The following KIF1B variants were observed in gnomAD, a reference collection of about 807,000 sequenced individuals.
The protein encoded by KIF1B is kinesin family member 1B.
In KIF1B, 76 loss-of-function variants were observed where a neutral mutation model predicts 241.9. The observed-to-expected ratio is 0.31, with a 90% CI of 0.26 to 0.38. The LOEUF (loss-of-function observed/expected upper bound fraction) is 0.38. KIF1B is among the 10% of genes least tolerant of loss of function. The pLI is 1.00. For missense variants in KIF1B, 1,622 were observed against 2,271.4 expected, an observed-to-expected ratio of 0.71 and a Z score of 5.81; for synonymous variants, 750 against 796.7, an observed-to-expected ratio of 0.94 and a Z score of 0.99.
intron 6 of KIF1B, 58 bp from the exon 7 acceptor site, chr1:10,268,094 C>T: frequency 1.9e-6 from 2 of 1,067,510 alleles, no homozygotes; most frequent in Non-Finnish European, 2.9e-6. Flanking sequence ...GCCTGCTGTC[C>T]ATTTCAACTC....
In KIF1B at chr1:10,337,003, A is replaced by T; in HGVS notation, c.3130-71A>T. The T allele has an allele frequency of 6.3e-7, 1 of 1,596,084 alleles. No homozygotes were observed. The highest frequency in any genetic ancestry group is 8.6e-7 in the Non-Finnish European group (1 of 1,165,328). ...TATTATTTGTTGGACAGATAAACAG[A>T]AGTAAGGCAACTGGGGAAAAATACG... On this transcript the variant is annotated intron_variant, in intron 29 of 48. Transcript: ENST00000676179. This position sits in a 1 kb window ranked among gnomAD's most constrained non-coding sequence, Gnocchi z 4.0.
chr1:10,251,167 AAAAT>A (rs1439195909), intron 2 of KIF1B, among the ~76,000 whole-genome samples: 7 of 152,128 alleles, frequency 4.6e-5, no homozygotes, highest in East Asian at 1.9e-4. Context: ...CTGTCTCAAA[AAAAT>A]AAATAAATAA....
At chr1:10,336,352 T>G (rs1217370681) in intron 28 of KIF1B, among the ~76,000 whole-genome samples, 1 of 152,194 alleles carries the variant, frequency 6.6e-6, no homozygotes, top group Admixed American at 6.5e-5. Flanking sequence ...TTTCACCATG[T>G]TGGTCAGGCT....
chr1:10,275,582 T>C, intron 11 of KIF1B, 79 bp downstream of exon 11: 1 of 862,878 alleles, frequency 1.2e-6, no homozygotes, highest in South Asian at 1.3e-5. Context: ...GTGTCTGTTT[T>C]GGAGACAAAT....
At position 10,369,401 on chromosome 1, in the gene KIF1B, AG is replaced by A. The variant is rs1277096463; in HGVS notation, c.4824+867del. ...CCCAGCACTTTGGGAGGCCAAGATG[AG>A]GGGATCGCTTGAGGCCAATAGGTTG... On this transcript the variant is annotated intron_variant, in intron 44 of 48. Coordinates refer to ENST00000676179, the MANE Select transcript of KIF1B (RefSeq NM_001365951.3). Among the ~76,000 whole-genome samples, 4 of 151,210 alleles carry A rather than the reference AG, an allele frequency of 2.6e-5. No homozygotes were observed. The East Asian group carries it at 7.8e-4, about 29-fold the overall frequency.
rs781063265 is a variant in KIF1B at position 10,282,322 on chromosome 1, A to G, written c.1223A>G (p.Tyr408Cys). Residue 408 changes from tyrosine (Y) to cysteine (C), a missense_variant and splice_region_variant, in exon 15 of 49, where the codon TAT becomes TGT. Around this residue, in one of 7 missense-constraint regions of KIF1B, gnomAD observed 201 missense variants for 301.2 expected, o/e 0.67. Coordinates refer to ENST00000676179, the MANE Select transcript of KIF1B (RefSeq NM_001365951.3). The part of the protein sequence containing the change: ...IDDYSGSGSK[Y>C]LKDFQNNKHR... ...GCCTTCTCTTCTTTCTATCTCCCAG[A>G]TCTGAAAGATTTTCAGAACAATAAG... The G allele has an allele frequency of 6.8e-6, 11 of 1,611,812 alleles. No individual in the cohort carries two copies. Among genetic ancestry groups the G allele is most frequent in the African/African-American group, 1.3e-5 (1 of 74,828 alleles).
chr1:10,341,760 T>C (rs115387136), intron 32 of KIF1B, among the ~76,000 whole-genome samples: 2,898 of 152,138 alleles, frequency 0.019, 41 homozygotes, highest in Non-Finnish European at 0.028. Flanking sequence ...GTTCAGCACA[T>C]GAGTTCAAGA....
rs1354795942 is a variant in KIF1B at position 10,377,965 on chromosome 1, A to G, written c.*1378A>G. 2.4e-5 allele frequency: 6 copies of G among 251,210 alleles called. No homozygotes were observed. In the Admixed American group the frequency reaches 3.1e-4, roughly 13 times the overall value. 15.6% of individuals were successfully genotyped at this position (251,210 alleles called of 1,614,324 possible). A position where few individuals can be genotyped will look rare whatever the true frequency, so the allele number is the denominator to read the frequency against. On this transcript the variant is annotated 3_prime_UTR_variant, in exon 49 of 49. Transcript: ENST00000676179. Reference sequence around the variant, plus strand: ...AAAAAAAAAAATAATAATGCTGGGTAGTGACCTTGTGATTGTTACAGCTCC... The same window carrying G: ...AAAAAAAAAAATAATAATGCTGGGTGGTGACCTTGTGATTGTTACAGCTCC...
At chr1:10,353,883 C>T (rs912557944) in intron 38 of KIF1B, among the ~76,000 whole-genome samples, 12 of 152,124 alleles carry the variant, frequency 7.9e-5, no homozygotes, top group Admixed American at 4.6e-4. Context: ...TACTATTTCC[C>T]TGAAGTCAGC....
chr1:10,304,311 A>G (rs1274481069), intron 22 of KIF1B: 2 of 1,614,230 alleles, frequency 1.2e-6, no homozygotes, highest in South Asian at 2.2e-5. Flanking sequence ...ATAATCAGCA[A>G]CAGCCACCTC....
rs1280962495 is a variant in KIF1B at position 10,360,978 on chromosome 1, C to G, written c.4105C>G (p.Leu1369Val). 2 of 1,614,136 alleles carry G rather than the reference C, an allele frequency of 1.2e-6. No homozygotes were observed. Among genetic ancestry groups the G allele is most frequent in the Non-Finnish European group, 1.7e-6 (2 of 1,180,006 alleles). Residue 1369 changes from leucine (L) to valine (V), a missense_variant, in exon 39 of 49, where the codon CTT (leucine) becomes GTT (valine). Around this residue, in one of 7 missense-constraint regions of KIF1B, gnomAD observed 803 missense variants for 1,112.0 expected, o/e 0.72. Coordinates refer to ENST00000676179, the MANE Select transcript of KIF1B (RefSeq NM_001365951.3). ...GTGGGATAGCTCTCTGCATAACTCC[C>G]TTCTTCTGAACCGAGTGACACCCTA... ...AVWDSSLHNS[L>V]LLNRVTPYGE...
At position 10,376,984 on chromosome 1, in the gene KIF1B, G is replaced by T. The variant is rs1174495309; in HGVS notation, c.*397G>T. On this transcript the variant is annotated 3_prime_UTR_variant, in exon 49 of 49. Coordinates refer to ENST00000676179, the MANE Select transcript of KIF1B (RefSeq NM_001365951.3). ...CCCATCATGACCACCTCTGATGTCT[G>T]TGCTGCTGTCACCAGGCACCTTTGT... The T allele has an allele frequency of 3.4e-6, 1 of 296,180 alleles. No individual in the cohort carries two copies. Among genetic ancestry groups the T allele is most frequent in the African/African-American group, 2.1e-5 (1 of 47,838 alleles). 18.3% of individuals were successfully genotyped at this position (296,180 alleles called of 1,614,324 possible).
At chr1:10,306,736 AAC>A in intron 22 of KIF1B, 1 of 954,012 alleles carries the variant, frequency 1.0e-6, no homozygotes, top group Non-Finnish European at 1.3e-6. Context: ...CAGCCAGGAC[AAC>A]AGAGTGAGAA....
chr1:10,239,673 T>G (rs970812004), intron 2 of KIF1B, among the ~76,000 whole-genome samples: 1 of 152,142 alleles, frequency 6.6e-6, no homozygotes, highest in African/African-American at 2.4e-5. Context: ...AGTGGCACAG[T>G]CTCGGCTCAC....
intron 2 of KIF1B, among the ~76,000 whole-genome samples, chr1:10,241,286 G>C (rs944527056): frequency 7.3e-5 from 11 of 151,196 alleles, no homozygotes; most frequent in Non-Finnish European, 1.5e-4. Flanking sequence ...AATTTTTTTG[G>C]AGCGATGGAG....
At chr1:10,310,062 G>T (rs1651002431) in intron 22 of KIF1B, among the ~76,000 whole-genome samples, 2 of 151,506 alleles carry the variant, frequency 1.3e-5, no homozygotes, top group African/African-American at 2.5e-5. Context: ...AATAATGATG[G>T]CCTGTAATTA....
intron 38 of KIF1B, among the ~76,000 whole-genome samples, chr1:10,356,388 TTA>T (rs1638248999): frequency 6.6e-6 from 1 of 151,886 alleles, no homozygotes; most frequent in Non-Finnish European, 1.5e-5. Context: ...ATAAACATAT[TTA>T]TATATTTGAC....
chr1:10,324,051 G>A lies in KIF1B; in HGVS notation c.2526G>A (p.Leu842=), dbSNP rs747319352. Residue 842 remains leucine (L), a synonymous_variant, in exon 25 of 49, where the codon TTG becomes TTA. Transcript: ENST00000676179. The part of the protein sequence containing the change: ...LKNGATHYWS[L]EKLKQRLDLM... The stretch of plus-strand genomic sequence containing the variant: ...ATGGAGCAACACACTATTGGTCTTT[G>A]GAGAAACTCAAGTATGAAAACATTC... The A allele has an allele frequency of 1.1e-5, 17 of 1,614,082 alleles. No individual in the cohort carries two copies. The highest frequency in any genetic ancestry group is 1.4e-5 in the Non-Finnish European group (17 of 1,179,978).
intron 19 of KIF1B, among the ~76,000 whole-genome samples, 172 bp from the exon 20 acceptor site, chr1:10,296,410 A>G (rs943830633): frequency 2.0e-5 from 3 of 152,172 alleles, no homozygotes; most frequent in Admixed American, 1.3e-4. Flanking sequence ...AGCCTCTTCT[A>G]TTGGGGCTAG....
Sources: gnomAD v4.1 joint callset for allele counts (sites outside exome capture counted in the v4.1 genomes callset) on GRCh38, gnomAD v4.1.1 for gene constraint, gnomAD v4.1.1 regional missense constraint, Gnocchi (gnomAD v3.1) non-coding constraint, MANE v1.5 for transcripts, NCBI Gene and HGNC (gene_info 2026-07-23, HGNC 2026-07-21) for gene names.